The following CAPRIN2 variants were observed in gnomAD, a reference collection of about 807,000 sequenced individuals.
The protein encoded by CAPRIN2 is caprin family member 2.
Under a neutral mutation model 130.4 loss-of-function variants are expected in CAPRIN2, and 66 were observed. That is an observed-to-expected ratio of 0.51 (90% CI 0.42 to 0.62). The LOEUF is 0.62. Among genes scored for constraint, CAPRIN2 ranks in the 20% least tolerant of loss-of-function variants. CAPRIN2 has a pLI of 0.00. For synonymous variants in CAPRIN2, 471 were observed against 444.1 expected (o/e 1.06, Z -0.76); for missense variants, 1,185 against 1,246.6 (o/e 0.95, Z 0.74).
At chr12:30,729,908 A>G (rs930492296) in intron 7 of CAPRIN2, among the ~76,000 whole-genome samples, 6 of 152,210 alleles carry the variant, frequency 3.9e-5, no homozygotes, top group Admixed American at 6.5e-5. Flanking sequence ...AGTCCTGCGC[A>G]TCTTAAAGTT....
intron 12 of CAPRIN2, among the ~76,000 whole-genome samples, chr12:30,718,531 C>A (rs1238407143): frequency 6.6e-6 from 1 of 152,136 alleles, no homozygotes; most frequent in East Asian, 1.9e-4. Context: ...ATAAACATAC[C>A]AAACTAGCTG....
chr12:30,710,402 A>C lies in CAPRIN2; in HGVS notation c.2734T>G (p.Ser912Ala). The C allele has an allele frequency of 6.2e-7, 1 of 1,614,134 alleles. No homozygotes were observed. Among genetic ancestry groups the C allele is most frequent in the Non-Finnish European group, 8.5e-7 (1 of 1,180,026 alleles). Reference sequence around the variant, plus strand: ...ATGCTACGGGAGTCTCCTTGTCCAGAGTCACCACTGTTAAAGGTTTCGTTG... The same window carrying C: ...ATGCTACGGGAGTCTCCTTGTCCAGCGTCACCACTGTTAAAGGTTTCGTTG... Residue 912 changes from serine to alanine, a missense_variant, in exon 17 of 17, where the codon TCT becomes GCT. Coordinates refer to ENST00000298892, the Ensembl canonical transcript of CAPRIN2. This position sits in a 1 kb window ranked among gnomAD's most constrained non-coding sequence, Gnocchi z 4.8.
intron 5 of CAPRIN2, among the ~76,000 whole-genome samples, chr12:30,732,726 G>A (rs1459599671): frequency 2.0e-5 from 3 of 151,834 alleles, no homozygotes; most frequent in Non-Finnish European, 4.4e-5. Context: ...CAATAGTTCC[G>A]TCCCTTTTTT....
chr12:30,734,507 T>G (rs2063791377), intron 4 of CAPRIN2, among the ~76,000 whole-genome samples: 1 of 152,170 alleles, frequency 6.6e-6, no homozygotes. Flanking sequence ...CACAGCATAA[T>G]AAGAACACCA....
intron 15 of CAPRIN2, 56 bp downstream of exon 17, chr12:30,713,729 C>G (rs1426885038): frequency 3.0e-5 from 30 of 1,005,602 alleles, no homozygotes; most frequent in Non-Finnish European, 4.6e-5. Flanking sequence ...CTTCAATCAC[C>G]AGCTTAACAT....
chr12:30,753,978 A>C, exon 1 of CAPRIN2: 1 of 532,488 alleles, frequency 1.9e-6, no homozygotes, highest in Non-Finnish European at 3.3e-6. Context: ...AGCTTTCCAC[A>C]CCGGGACCTA....
intron 4 of CAPRIN2, among the ~76,000 whole-genome samples, chr12:30,734,424 G>GA (rs937428959): frequency 6.6e-5 from 10 of 151,636 alleles, no homozygotes; most frequent in Admixed American, 2.0e-4. Flanking sequence ...CACTGTGAGG[G>GA]AAAAAAAATC....
Position 30,731,159 on chromosome 12 carries a change from G to A in CAPRIN2, c.1060+184C>T, listed in dbSNP as rs183061502. ...TTAATATTTCTAATAAGTTTCACTCGGTAAATCATGGTGATAAAGCCTAGA... is the reference window on the plus strand; with the variant it reads ...TTAATATTTCTAATAAGTTTCACTCAGTAAATCATGGTGATAAAGCCTAGA... On this transcript the variant is annotated intron_variant, in intron 6 of 16. Coordinates refer to ENST00000298892, the Ensembl canonical transcript of CAPRIN2. 1.5e-4 allele frequency among the ~76,000 whole-genome samples: 23 copies of A among 152,102 alleles called. No individual in the cohort carries two copies. The East Asian group carries it at 3.1e-3, about 20-fold the overall frequency.
intron 8 of CAPRIN2, 144 bp from the exon 10 acceptor site, chr12:30,726,232 T>A: frequency 1.6e-6 from 1 of 612,678 alleles, no homozygotes; most frequent in Non-Finnish European, 2.4e-6. Context: ...CATAAATACC[T>A]TTTCTAAATA....
At chr12:30,753,709 T>C (rs755975206) in exon 1 of CAPRIN2, 24 of 1,613,884 alleles carry the variant, frequency 1.5e-5, no homozygotes, top group Non-Finnish European at 1.8e-5. Context: ...CTTAAACTCT[T>C]TTCCACAGAA....
chr12:30,711,807 C>CA (rs2054831191), intron 15 of CAPRIN2, 178 bp from the exon 18 acceptor site: 1 of 697,392 alleles, frequency 1.4e-6, no homozygotes. Context: ...GCAAGGGCAA[C>CA]AGTGGCATTA....
intron 3 of CAPRIN2, among the ~76,000 whole-genome samples, chr12:30,737,636 C>T (rs1464378880): frequency 3.6e-5 from 5 of 140,302 alleles, no homozygotes; most frequent in Non-Finnish European, 6.1e-5. Flanking sequence ...CTCACTCTGT[C>T]GCCCAGGCTG....
intron 11 of CAPRIN2, among the ~76,000 whole-genome samples, chr12:30,721,939 T>C (rs759956429): frequency 6.6e-6 from 1 of 152,216 alleles, no homozygotes; most frequent in Non-Finnish European, 1.5e-5. Flanking sequence ...CATTATAAGA[T>C]TAGAGCGTTT....
chr12:30,712,925 G>C (rs770953331), intron 15 of CAPRIN2, among the ~76,000 whole-genome samples: 11 of 152,134 alleles, frequency 7.2e-5, no homozygotes, highest in Non-Finnish European at 1.5e-4. Flanking sequence ...TTTTAGTAGA[G>C]ATGGGGTTTC....
chr12:30,734,891 C>T, intron 4 of CAPRIN2, 77 bp downstream of exon 5: 2 of 877,756 alleles, frequency 2.3e-6, no homozygotes, highest in South Asian at 1.4e-5. Context: ...CACACACTCT[C>T]TCTCTCACAT....
chr12:30,728,759 G>C, exon 8 of CAPRIN2: 1 of 1,614,128 alleles, frequency 6.2e-7, no homozygotes, highest in Non-Finnish European at 8.5e-7. Context: ...ATGTTAAAGA[G>C]TGTTTTTGAC....
exon 1 of CAPRIN2, chr12:30,753,751 C>G: frequency 1.2e-6 from 2 of 1,606,446 alleles, no homozygotes; most frequent in Non-Finnish European, 1.7e-6. Context: ...GCTTGAGATA[C>G]TTGTACTTCC....
intron 3 of CAPRIN2, among the ~76,000 whole-genome samples, chr12:30,739,158 GC>G: frequency 6.6e-6 from 1 of 152,138 alleles, no homozygotes; most frequent in Non-Finnish European, 1.5e-5. Context: ...CAATCTAAAT[GC>G]CCATCAATGA....
At position 30,740,387 on chromosome 12, in the gene CAPRIN2, T is replaced by C. The variant is rs571036558; in HGVS notation, c.570+633A>G. The stretch of plus-strand genomic sequence containing the variant: ...TGAATTTATTTAAAAATTTCCACAA[T>C]TGTTGGAACTTGACCTTTAAAGGAC... On this transcript the variant is annotated intron_variant, in intron 3 of 16. Coordinates refer to ENST00000298892, the Ensembl canonical transcript of CAPRIN2. Among the ~76,000 whole-genome samples, 27 of 152,294 alleles carry C rather than the reference T, an allele frequency of 1.8e-4. No individual in the cohort carries two copies. The South Asian group carries it at 3.3e-3, about 19-fold the overall frequency.
Sources: allele counts gnomAD v4.1 joint callset (sites outside exome capture counted in the v4.1 genomes callset), GRCh38; gene constraint gnomAD v4.1.1; non-coding constraint Gnocchi (gnomAD v3.1); transcripts MANE v1.5; gene names NCBI Gene and HGNC (gene_info 2026-07-23, HGNC 2026-07-21).